CSMD1: variants seen among roughly 807,000 people sequenced by gnomAD.
The protein encoded by CSMD1 is CUB and sushi domain-containing protein 1.
In CSMD1, 213 loss-of-function variants were observed where a neutral mutation model predicts 417.5. The observed-to-expected ratio is 0.51, with a 90% CI of 0.46 to 0.57. The LOEUF (loss-of-function observed/expected upper bound fraction) is 0.57. CSMD1 is among the 20% of genes least tolerant of loss of function. CSMD1 has a pLI of 0.00. For synonymous variants in CSMD1, 2,862 were observed against 1,736.8 expected, an observed-to-expected ratio of 1.65 and a Z score of -16.11; for missense variants, 6,923 against 4,529.7, an observed-to-expected ratio of 1.53 and a Z score of -15.17.
chr8:4,461,959 G>A (rs937452781), intron 2 of CSMD1, among the ~76,000 whole-genome samples: 1 of 151,826 alleles, frequency 6.6e-6, no homozygotes, highest in Non-Finnish European at 1.5e-5. Flanking sequence ...GCCAGGATGG[G>A]CTCTATCTCC....
chr8:4,690,764 C>G (rs1446018104), intron 1 of CSMD1, among the ~76,000 whole-genome samples: 1 of 152,160 alleles, frequency 6.6e-6, no homozygotes, highest in African/African-American at 2.4e-5. Context: ...GAATCTCACT[C>G]TGTCACCAGG....
chr8:4,211,057 T>G (rs372648392), intron 3 of CSMD1, among the ~76,000 whole-genome samples: 2 of 152,226 alleles, frequency 1.3e-5, no homozygotes, highest in African/African-American at 4.8e-5. Context: ...ATTTCCTTCC[T>G]TAAGAAATTC....
At chr8:3,600,239 C>A (rs1283916656) in intron 8 of CSMD1, among the ~76,000 whole-genome samples, 6 of 152,160 alleles carry the variant, frequency 3.9e-5, no homozygotes, top group African/African-American at 1.4e-4. Context: ...CTTCTCCTCC[C>A]CATTAGTATA....
At chr8:4,812,004 G>C (rs1455452507) in intron 1 of CSMD1, among the ~76,000 whole-genome samples, 2 of 152,144 alleles carry the variant, frequency 1.3e-5, no homozygotes, top group East Asian at 1.9e-4. Flanking sequence ...GAAAGTAACA[G>C]CTTCCAATTA....
At chr8:3,672,433 T>C (rs2623612) in intron 7 of CSMD1, among the ~76,000 whole-genome samples, 138,926 of 152,158 alleles carry the variant, frequency 0.91, 63,539 homozygotes, top group Admixed American at 0.95. Flanking sequence ...TGTGCTGGTA[T>C]CAGAGTGTGG....
chr8:3,178,714 G>T, intron 37 of CSMD1, among the ~76,000 whole-genome samples: 1 of 152,044 alleles, frequency 6.6e-6, no homozygotes, highest in East Asian at 1.9e-4. Context: ...GCAAGACCTG[G>T]CATAGAGTAA....
intron 1 of CSMD1, among the ~76,000 whole-genome samples, chr8:4,890,190 A>G (rs1274340640): frequency 6.6e-6 from 1 of 152,144 alleles, no homozygotes; most frequent in African/African-American, 2.4e-5. Flanking sequence ...ATTTTAGTCA[A>G]TATCTCATAA....
At chr8:3,966,519 A>G (rs1812686848) in intron 5 of CSMD1, among the ~76,000 whole-genome samples, 1 of 152,134 alleles carries the variant, frequency 6.6e-6, no homozygotes, top group Non-Finnish European at 1.5e-5. Context: ...AGTTCCTGGG[A>G]GAAAATTGTA....
intron 3 of CSMD1, among the ~76,000 whole-genome samples, chr8:4,332,638 G>A (rs903179507): frequency 8.3e-4 from 121 of 146,204 alleles, no homozygotes; most frequent in Non-Finnish European, 1.7e-4. Context: ...CAGATACACA[G>A]ACATGCAGCT....
chr8:4,255,673 C>T (rs945213227), intron 3 of CSMD1, among the ~76,000 whole-genome samples: 5 of 152,276 alleles, frequency 3.3e-5, no homozygotes, highest in South Asian at 2.1e-4. Flanking sequence ...ATATGTATTA[C>T]GTGAAGAGTT....
chr8:4,561,088 T>A (rs957169710), intron 2 of CSMD1, among the ~76,000 whole-genome samples: 1 of 152,156 alleles, frequency 6.6e-6, no homozygotes, highest in African/African-American at 2.4e-5. Flanking sequence ...AATGAAAACA[T>A]CGACCAGGTG....
At chr8:3,689,686 C>A (rs558101475) in intron 7 of CSMD1, among the ~76,000 whole-genome samples, 4 of 151,782 alleles carry the variant, frequency 2.6e-5, no homozygotes, top group African/African-American at 9.6e-5. Context: ...TTAATCCTCA[C>A]GTCAATCCTA....
chr8:3,731,038 G>A (rs1014863644), intron 6 of CSMD1, among the ~76,000 whole-genome samples: 2 of 152,182 alleles, frequency 1.3e-5, no homozygotes, highest in South Asian at 2.1e-4. Flanking sequence ...TCACTCAGCT[G>A]TAATAATTAT....
chr8:4,824,005 GAC>G (rs1464342152), intron 1 of CSMD1, among the ~76,000 whole-genome samples: 1 of 150,948 alleles, frequency 6.6e-6, no homozygotes, highest in Non-Finnish European at 1.5e-5. Context: ...TACAATCATG[GAC>G]ACACACATAC....
chr8:2,945,803 C>A lies in CSMD1; in HGVS notation c.10403-3199G>T, dbSNP rs577168620. On this transcript the variant is annotated intron_variant, in intron 68 of 69. Coordinates refer to ENST00000635120, the MANE Select transcript of CSMD1 (RefSeq NM_033225.6). ...GCTGTTGCAACCACAACTGTTGCTG[C>A]CACTACTACAATGATAAATCAAACA... is the stretch of plus-strand genomic sequence containing the variant. Among the ~76,000 whole-genome samples, 289 of 152,248 alleles carry A rather than the reference C, an allele frequency of 1.9e-3. 3 individuals carry two copies. Among genetic ancestry groups the A allele is most frequent in the African/African-American group, 6.4e-3 (267 of 41,556 alleles).
chr8:3,313,675 C>A (rs1294009183), intron 23 of CSMD1, among the ~76,000 whole-genome samples: 1 of 152,078 alleles, frequency 6.6e-6, no homozygotes, highest in Non-Finnish European at 1.5e-5. Context: ...GTTGGTGGGA[C>A]TGTAAACGAG....
intron 7 of CSMD1, among the ~76,000 whole-genome samples, chr8:3,626,425 T>C (rs1020176035): frequency 2.6e-5 from 4 of 152,210 alleles, no homozygotes; most frequent in African/African-American, 7.2e-5. Flanking sequence ...GAATCTGTAA[T>C]TCAGGCCAGC....
intron 1 of CSMD1, among the ~76,000 whole-genome samples, chr8:4,950,413 T>C (rs942319374): frequency 6.6e-6 from 1 of 152,208 alleles, no homozygotes; most frequent in Non-Finnish European, 1.5e-5. Context: ...CAAGCGTTTT[T>C]AGATTCTTTT....
In CSMD1 at chr8:3,914,721, C is replaced by CT. The variant is rs374777750; in HGVS notation, c.818+83181dup. 2.8e-3 allele frequency among the ~76,000 whole-genome samples: 420 copies of CT among 150,994 alleles called. 2 individuals are homozygous for CT. The highest frequency in any genetic ancestry group is 9.1e-3 in the African/African-American group (373 of 41,148). ...AGATGTCTTTATTTTTTGACTATCC[C>CT]TTTTTTTTTCAGATCCTTTGACATG... On this transcript the variant is annotated intron_variant, in intron 5 of 69. Transcript: ENST00000635120.
Sources: allele counts gnomAD v4.1 joint callset (sites outside exome capture counted in the v4.1 genomes callset), GRCh38; gene constraint gnomAD v4.1.1; transcripts MANE v1.5; gene names NCBI Gene and HGNC (gene_info 2026-07-23, HGNC 2026-07-21).